The following ZIC5 variants were observed in gnomAD, a reference collection of about 807,000 sequenced individuals.
ZIC5 encodes Zic family zinc finger 5.
In ZIC5, 20 loss-of-function variants were observed where a neutral mutation model predicts 28.5. The ratio of observed to expected loss-of-function variants is 0.70; its 90% CI spans 0.49 to 1.02. ZIC5 has a LOEUF of 1.02. ZIC5 is among the 50% of genes least tolerant of loss of function. The probability of loss-of-function intolerance (pLI) is 0.00; values close to 1 mark genes in which losing one functional copy is unlikely to be tolerated. For synonymous variants in ZIC5, 488 were observed against 410.4 expected, an observed-to-expected ratio of 1.19 and a Z score of -2.29; for missense variants, 951 against 899.7, an observed-to-expected ratio of 1.06 and a Z score of -0.73.
In ZIC5 at chr13:99,965,170, GAA is replaced by G. The variant is rs34614095; in HGVS notation, c.*205_*206del. On this transcript the variant is annotated 3_prime_UTR_variant, in exon 2 of 2. Transcript: ENST00000267294. ...TGGTTGTTTTTTGTTTGTTTTTTAA[GAA>G]AAAAAAAAAAAAAAGCCCAAATATC... 6.2e-3 allele frequency: 1,298 copies of G among 210,144 alleles called. 1 individual carries two copies. The highest frequency in any genetic ancestry group is 0.011 in the Middle Eastern group (7 of 648). The allele number at this position is 210,144 out of a possible 1,614,324, so 13.0% of individuals were successfully genotyped here.
chr13:99,964,853 C>A lies in ZIC5; in HGVS notation c.*524G>T, dbSNP rs1220648963. 3.9e-5 allele frequency: 6 copies of A among 152,054 alleles called. No homozygotes were observed. The highest frequency in any genetic ancestry group is 1.2e-4 in the African/African-American group (5 of 41,264). 9.4% of individuals were successfully genotyped at this position (152,054 alleles called of 1,614,324 possible). ...AGGTGTGTGGTTTACAATCAAGAGG[C>A]CTTGGCAGAATTAGGGTCCAACAAG... On this transcript the variant is annotated 3_prime_UTR_variant, in exon 2 of 2. Coordinates refer to ENST00000267294, the MANE Select transcript of ZIC5 (RefSeq NM_033132.5).
At chr13:99,969,986 G>C (rs2053134847) in intron 1 of ZIC5, 141 bp downstream of exon 1, 1 of 1,325,714 alleles carries the variant, frequency 7.5e-7, no homozygotes, top group African/African-American at 1.5e-5. Context: ...CACATGTCCG[G>C]GTTATACGTA....
At chr13:99,969,697 C>T (rs901528433) in intron 1 of ZIC5, among the ~76,000 whole-genome samples, 2 of 151,934 alleles carry the variant, frequency 1.3e-5, no homozygotes, top group Non-Finnish European at 1.5e-5. Flanking sequence ...GAGGCGCTTG[C>T]CGGGGCGGCC....
rs1227530881 is a variant in ZIC5 at position 99,963,208 on chromosome 13, G to A, written c.*2169C>T. ...CCTTTGTTTCATAATAAATAAACCTGTAGCATAATAAAGAATAGTGCAAAC... is the reference window on the plus strand; with the variant it reads ...CCTTTGTTTCATAATAAATAAACCTATAGCATAATAAAGAATAGTGCAAAC... On this transcript the variant is annotated 3_prime_UTR_variant, in exon 2 of 2. Coordinates refer to ENST00000267294, the MANE Select transcript of ZIC5 (RefSeq NM_033132.5). 1 of 152,400 alleles carries A rather than the reference G, an allele frequency of 6.6e-6. No homozygotes were observed. The highest frequency in any genetic ancestry group is 2.4e-5 in the African/African-American group (1 of 41,370). 9.4% of individuals were successfully genotyped at this position (152,400 alleles called of 1,614,324 possible). A position where few individuals can be genotyped will look rare whatever the true frequency, so the allele number is the denominator to read the frequency against.
chr13:99,968,229 G>C lies in ZIC5; in HGVS notation c.1477+1898C>G, dbSNP rs377369385. ...TCTCAGAACACAATGTCCAATAGCTGAGCGGCCCAGGGACCGCCAGAAACA... is the reference window on the plus strand; with the variant it reads ...TCTCAGAACACAATGTCCAATAGCTCAGCGGCCCAGGGACCGCCAGAAACA... On this transcript the variant is annotated intron_variant, in intron 1 of 1. Coordinates refer to ENST00000267294, the MANE Select transcript of ZIC5 (RefSeq NM_033132.5). Among the ~76,000 whole-genome samples the C allele has an allele frequency of 8.5e-5, 13 of 152,222 alleles. 1 individual carries two copies. The South Asian group carries it at 2.5e-3, about 29-fold the overall frequency.
intron 1 of ZIC5, among the ~76,000 whole-genome samples, chr13:99,968,239 G>C (rs1177719943): frequency 6.6e-6 from 1 of 152,210 alleles, no homozygotes; most frequent in African/African-American, 2.4e-5. Context: ...GAGCGGCCCA[G>C]GGACCGCCAG....
chr13:99,965,644 G>A lies in ZIC5; in HGVS notation c.1653C>T (p.His551=), dbSNP rs2053095149. 1 of 1,614,098 alleles carries A rather than the reference G, an allele frequency of 6.2e-7. No individual in the cohort carries two copies. Among genetic ancestry groups the A allele is most frequent in the African/African-American group, 1.3e-5 (1 of 74,936 alleles). ...CTGGAGAAGGTGGCGGGGACTTGCA[G>A]TGAATCTTCATGTGCTTCCTCAGGG... The part of the protein sequence containing the change: ...PSSLRKHMKI[H]CKSPPPSPGP... Residue 551 remains histidine (H), a synonymous_variant, in exon 2 of 2, where the codon CAC becomes CAT. Transcript: ENST00000267294.
At chr13:99,969,455 T>G (rs914472982) in intron 1 of ZIC5, among the ~76,000 whole-genome samples, 3 of 150,020 alleles carry the variant, frequency 2.0e-5, no homozygotes, top group African/African-American at 7.3e-5. Flanking sequence ...CAGGAGGATA[T>G]GAGTGTGTAA....
rs921780095 is a variant in ZIC5 at position 99,964,783 on chromosome 13, T to C, written c.*594A>G. ...ATTAAACTCAAAGGGTTTTTACAAATGTTTTTGGACACAGGTACGGAACAG... is the reference window on the plus strand; with the variant it reads ...ATTAAACTCAAAGGGTTTTTACAAACGTTTTTGGACACAGGTACGGAACAG... On this transcript the variant is annotated 3_prime_UTR_variant, in exon 2 of 2. Transcript: ENST00000267294. 4 of 152,016 alleles carry C rather than the reference T, an allele frequency of 2.6e-5. No homozygotes were observed. The highest frequency in any genetic ancestry group is 9.7e-5 in the African/African-American group (4 of 41,320). 9.4% of individuals were successfully genotyped at this position (152,016 alleles called of 1,614,324 possible).
In ZIC5 at chr13:99,963,680, A is replaced by C. The variant is rs1440796383; in HGVS notation, c.*1697T>G. The C allele has an allele frequency of 6.6e-6, 1 of 152,320 alleles. No individual in the cohort carries two copies. Among genetic ancestry groups the C allele is most frequent in the Non-Finnish European group, 1.5e-5 (1 of 67,958 alleles). The allele number at this position is 152,320 out of a possible 1,614,324, so 9.4% of individuals were successfully genotyped here. A position where few individuals can be genotyped will look rare whatever the true frequency, so the allele number is the denominator to read the frequency against. ...ATTTTCTTTCCTTTTTTTTTTAAAT[A>C]AACCATGGATCATAAATGACAATCT... is the stretch of plus-strand genomic sequence containing the variant. On this transcript the variant is annotated 3_prime_UTR_variant, in exon 2 of 2. Transcript: ENST00000267294.
At position 99,969,917 on chromosome 13, in the gene ZIC5, T is replaced by C. The variant is rs375022771; in HGVS notation, c.1477+210A>G. 1.4e-4 allele frequency among the ~76,000 whole-genome samples: 21 copies of C among 146,116 alleles called. No homozygotes were observed. In the East Asian group the frequency reaches 4.1e-3, roughly 29 times the overall value. On this transcript the variant is annotated intron_variant, in intron 1 of 1. Coordinates refer to ENST00000267294, the MANE Select transcript of ZIC5 (RefSeq NM_033132.5). The stretch of plus-strand genomic sequence containing the variant: ...GGGAACCCAACGCGGGGCCTGTGTG[T>C]GCTATCGAATTACTTATTCATAGAA...
rs1279750564 is a variant in ZIC5 at position 99,971,682 on chromosome 13, A to G, written c.-79T>C. Reference sequence around the variant, plus strand: ...TGCCCGCCTTCAAAAACATGTATGTATTGGGCGCTCTTTAACTTCTTTTGT... The same window carrying G: ...TGCCCGCCTTCAAAAACATGTATGTGTTGGGCGCTCTTTAACTTCTTTTGT... On this transcript the variant is annotated 5_prime_UTR_variant, in exon 1 of 2. Coordinates refer to ENST00000267294, the MANE Select transcript of ZIC5 (RefSeq NM_033132.5). The G allele has an allele frequency of 3.9e-6, 6 of 1,553,070 alleles. No homozygotes were observed. Among genetic ancestry groups the G allele is most frequent in the East Asian group, 2.4e-5 (1 of 41,250 alleles).
Position 99,964,108 on chromosome 13 carries a change from ATAAACCT to A in ZIC5, c.*1262_*1268del, listed in dbSNP as rs1456526073. ...CATTCATCAGTGTTTGGTGGTAACT[ATAAACCT>A]TTTAAAAATTTTTAATATGTATGGC... On this transcript the variant is annotated 3_prime_UTR_variant, in exon 2 of 2. Transcript: ENST00000267294. 2 of 152,568 alleles carry A rather than the reference ATAAACCT, an allele frequency of 1.3e-5. No homozygotes were observed. The highest frequency in any genetic ancestry group is 2.9e-5 in the Non-Finnish European group (2 of 68,046). The allele number at this position is 152,568 out of a possible 1,614,324, so 9.5% of individuals were successfully genotyped here.
rs1202236780 is a variant in ZIC5 at position 99,970,555 on chromosome 13, T to A, written c.1049A>T (p.His350Leu). 9.5e-7 allele frequency: 1 copy of A among 1,055,830 alleles called. No homozygotes were observed. The highest frequency in any genetic ancestry group is 1.1e-6 in the Non-Finnish European group (1 of 877,512). 65.4% of individuals were successfully genotyped at this position (1,055,830 alleles called of 1,614,324 possible). ...PAPAQHPHQH[H>L]PHLPGAAGAF... is the part of the protein sequence containing the mutation. ...CCCAGCCGCCCCTGGGAGGTGGGGG[T>A]GGTGCTGGTGCGGGTGCTGCGCGGG... Residue 350 changes from histidine to leucine, a missense_variant, in exon 1 of 2, where the codon CAC becomes CTC. By Grantham distance (99) the His-to-Leu change is moderately conservative. Coordinates refer to ENST00000267294, the MANE Select transcript of ZIC5 (RefSeq NM_033132.5).
At chr13:99,969,643 T>C (rs2053130695) in intron 1 of ZIC5, among the ~76,000 whole-genome samples, 1 of 151,866 alleles carries the variant, frequency 6.6e-6, no homozygotes, top group Non-Finnish European at 1.5e-5. Context: ...CGCCCGGTCC[T>C]CGGAGCGCGG....
rs2053143102 is a variant in ZIC5 at position 99,970,506 on chromosome 13, C to A, written c.1098G>T (p.Gln366His). The A allele has an allele frequency of 1.8e-6, 2 of 1,131,034 alleles. No homozygotes were observed. Among genetic ancestry groups the A allele is most frequent in the Non-Finnish European group, 2.2e-6 (2 of 914,922 alleles). 70.1% of individuals were successfully genotyped at this position (1,131,034 alleles called of 1,614,324 possible). ...TGCAGATGAGCTCCTGCTTGATTGG[C>A]TGCCGCATGTAGCGCAGGAAGGCCC... Reference protein sequence around the residue: ...AAGAFLRYMRQPIKQELICKW... With the variant: ...AAGAFLRYMRHPIKQELICKW... Residue 366 changes from glutamine to histidine, a missense_variant, in exon 1 of 2, where the codon CAG becomes CAT. Around this residue, in one of 3 missense-constraint regions of ZIC5, gnomAD observed 784 missense variants for 660.1 expected, o/e 1.19. Coordinates refer to ENST00000267294, the MANE Select transcript of ZIC5 (RefSeq NM_033132.5).
At position 99,964,395 on chromosome 13, in the gene ZIC5, T is replaced by G. The variant is rs1265753957; in HGVS notation, c.*982A>C. 1 of 152,200 alleles carries G rather than the reference T, an allele frequency of 6.6e-6. No homozygotes were observed. The highest frequency in any genetic ancestry group is 1.5e-5 in the Non-Finnish European group (1 of 68,042). 9.4% of individuals were successfully genotyped at this position (152,200 alleles called of 1,614,324 possible). A position where few individuals can be genotyped will look rare whatever the true frequency, so the allele number is the denominator to read the frequency against. ...CCTCCTCAAGACTTGACTGTGAATG[T>G]TGGCATCCCAAAGAACTTAGGATCG... is the stretch of plus-strand genomic sequence containing the variant. On this transcript the variant is annotated 3_prime_UTR_variant, in exon 2 of 2. Transcript: ENST00000267294.
Position 99,970,302 on chromosome 13 carries a change from G to A in ZIC5, c.1302C>T (p.His434=), listed in dbSNP as rs759978739. The change falls in exon 1 of 2, where the codon CAC becomes CAT. Residue 434 remains histidine, a synonymous_variant. Coordinates refer to ENST00000267294, the MANE Select transcript of ZIC5 (RefSeq NM_033132.5). ...GCGGACAGTCCTCCCAGAAGCAGAC[G>A]TGGCTGCTCTGCTCGGGGCCTCCCA... is the stretch of plus-strand genomic sequence containing the variant. ...EHVGGPEQSS[H]VCFWEDCPRE... is the part of the protein sequence containing the mutation. 3.7e-6 allele frequency: 6 copies of A among 1,613,634 alleles called. No individual in the cohort carries two copies. In the South Asian group the frequency reaches 5.5e-5, roughly 15 times the overall value.
intron 1 of ZIC5, among the ~76,000 whole-genome samples, chr13:99,969,174 C>T (rs2053125389): frequency 6.6e-6 from 1 of 152,222 alleles, no homozygotes. Flanking sequence ...CCGCCCTCCT[C>T]AGCGCTGTGG....
Sources: allele counts gnomAD v4.1 joint callset (sites outside exome capture counted in the v4.1 genomes callset), GRCh38; gene constraint gnomAD v4.1.1; regional missense constraint gnomAD v4.1.1; transcripts MANE v1.5; gene names NCBI Gene and HGNC (gene_info 2026-07-23, HGNC 2026-07-21).